Variants in MAGOH observed in about 807,000 individuals in gnomAD.
The protein encoded by MAGOH is protein mago nashi homolog.
MAGOH carries 3 observed loss-of-function variants against 20.9 expected under a neutral mutation model. The observed-to-expected ratio is 0.14, with a 90% CI of 0.07 to 0.37. The LOEUF is 0.37. Ranked by LOEUF, MAGOH falls within the 10% of genes least tolerant of loss-of-function variation. The probability of loss-of-function intolerance (pLI) is 1.00; values close to 1 mark genes in which losing one functional copy is unlikely to be tolerated. For synonymous variants in MAGOH, 51 were observed against 61.0 expected, an observed-to-expected ratio of 0.84 and a Z score of 0.76; for missense variants, 66 against 178.1, an observed-to-expected ratio of 0.37 and a Z score of 3.58.
intron 1 of MAGOH, among the ~76,000 whole-genome samples, chr1:53,237,973 C>T (rs1645621474): frequency 1.3e-5 from 2 of 152,260 alleles, no homozygotes; most frequent in South Asian, 2.1e-4. Flanking sequence ...CTCTAATGGC[C>T]AACCTATCTA....
At chr1:53,238,037 C>T (rs879175453) in intron 1 of MAGOH, among the ~76,000 whole-genome samples, 1 of 152,216 alleles carries the variant, frequency 6.6e-6, no homozygotes, top group African/African-American at 2.4e-5. Context: ...CCACTCACTG[C>T]TATCTGGAAT....
At chr1:53,237,673 C>CAAAAAAAAAAA (rs1231950502) in intron 1 of MAGOH, among the ~76,000 whole-genome samples, 8 of 55,338 alleles carry the variant, frequency 1.4e-4, no homozygotes, top group African/African-American at 3.1e-4. Context: ...AAAGCCGTCT[C>CAAAAAAAAAAA]AAAAAAAAAA....
At chr1:53,231,780 T>C (rs1006573239) in intron 3 of MAGOH, among the ~76,000 whole-genome samples, 31 of 152,310 alleles carry the variant, frequency 2.0e-4, no homozygotes, top group African/African-American at 7.0e-4. Context: ...TTAATGCTCA[T>C]TCTATTTGAT....
intron 2 of MAGOH, among the ~76,000 whole-genome samples, chr1:53,234,436 C>T (rs6671485): frequency 0.27 from 39,330 of 146,052 alleles, 5,908 homozygotes; most frequent in East Asian, 0.37. Flanking sequence ...TGCAGTGGTG[C>T]GATCTCGGCT....
At chr1:53,232,763 T>C (rs183101324) in intron 3 of MAGOH, among the ~76,000 whole-genome samples, 6 of 152,250 alleles carry the variant, frequency 3.9e-5, no homozygotes, top group Middle Eastern at 3.4e-3. Flanking sequence ...TGGGAAGCCA[T>C]TGGAGTTTAA....
chr1:53,235,734 C>A, intron 1 of MAGOH, 99 bp from the exon 2 acceptor site: 1 of 877,022 alleles, frequency 1.1e-6, no homozygotes, highest in South Asian at 1.4e-5. Flanking sequence ...ATGTATCTAA[C>A]TTGCTAAAAG....
intron 3 of MAGOH, among the ~76,000 whole-genome samples, chr1:53,230,523 T>C (rs1645581242): frequency 6.6e-6 from 1 of 152,134 alleles, no homozygotes; most frequent in Non-Finnish European, 1.5e-5. Flanking sequence ...GCTCATGCTA[T>C]ACTGCACCTT....
intron 3 of MAGOH, among the ~76,000 whole-genome samples, chr1:53,231,688 A>G (rs1343042699): frequency 6.6e-6 from 1 of 152,146 alleles, no homozygotes; most frequent in Non-Finnish European, 1.5e-5. Context: ...TCCCGAGGCA[A>G]TATCATACTA....
chr1:53,229,257 G>T (rs1343821662), intron 3 of MAGOH, among the ~76,000 whole-genome samples: 9 of 150,666 alleles, frequency 6.0e-5, no homozygotes, highest in Non-Finnish European at 1.2e-4. Flanking sequence ...GGAGTGCACT[G>T]GCATGATCTC....
At chr1:53,231,098 G>C (rs1361286269) in intron 3 of MAGOH, among the ~76,000 whole-genome samples, 6 of 152,078 alleles carry the variant, frequency 3.9e-5, no homozygotes, top group African/African-American at 1.4e-4. Context: ...AAATTCGGCA[G>C]ATTTTTTTCT....
At chr1:53,232,712 C>T (rs762779517) in intron 3 of MAGOH, among the ~76,000 whole-genome samples, 5 of 152,166 alleles carry the variant, frequency 3.3e-5, no homozygotes, top group Admixed American at 6.5e-5. Flanking sequence ...AGATTGGAAG[C>T]CCGGTAAAAG....
In MAGOH at chr1:53,234,245, G is replaced by A. The variant is rs116533123; in HGVS notation, c.148-593C>T. On this transcript the variant is annotated intron_variant, in intron 2 of 4. Transcript: ENST00000371470. ...CTCACTAGACACTGAACTTGCCAGC[G>A]CCTTGATCTTGGACTTTCCAGCCTC... Among the ~76,000 whole-genome samples, 689 of 152,168 alleles carry A rather than the reference G, an allele frequency of 4.5e-3. 8 individuals carry two copies. The highest frequency in any genetic ancestry group is 0.011 in the African/African-American group (447 of 41,494).
At position 53,238,362 on chromosome 1, in the gene MAGOH, G is replaced by A. The variant is rs1344644205; in HGVS notation, c.87C>T (p.Asp29=). The change falls in exon 1 of 5, where the codon GAC becomes GAT. Residue 29 remains aspartate (D), a splice_region_variant and synonymous_variant. Coordinates refer to ENST00000371470, the MANE Select transcript of MAGOH (RefSeq NM_002370.4). ...HEFLEFEFRP[D]GKLRYANNSN... ...CGGCGGGCGGCAGGCTGCTTTTACC[G>A]TCCGGTCGAAACTCAAACTCCAGGA... is the stretch of plus-strand genomic sequence containing the variant. The A allele has an allele frequency of 1.9e-6, 3 of 1,614,064 alleles. No homozygotes were observed. The highest frequency in any genetic ancestry group is 1.7e-5 in the Admixed American group (1 of 60,026).
chr1:53,230,379 C>G (rs10788949), intron 3 of MAGOH, among the ~76,000 whole-genome samples: 2 of 151,844 alleles, frequency 1.3e-5, no homozygotes, highest in Non-Finnish European at 2.9e-5. Flanking sequence ...TCCTGTATCC[C>G]GATTTGTTCC....
intron 1 of MAGOH, 142 bp downstream of exon 1, chr1:53,238,219 G>C (rs1027966559): frequency 1.4e-6 from 1 of 699,704 alleles, no homozygotes; most frequent in African/African-American, 1.8e-5. Flanking sequence ...AGCAGACACA[G>C]TGGCGTTCCT....
At chr1:53,232,843 G>A (rs1488586101) in intron 3 of MAGOH, among the ~76,000 whole-genome samples, 1 of 152,246 alleles carries the variant, frequency 6.6e-6, no homozygotes, top group Non-Finnish European at 1.5e-5. Flanking sequence ...GCTTACGCCT[G>A]TAACCACAGC....
chr1:53,227,988 C>G (rs779845905), intron 4 of MAGOH, among the ~76,000 whole-genome samples: 26 of 152,150 alleles, frequency 1.7e-4, no homozygotes, highest in Non-Finnish European at 2.6e-4. Context: ...AATCCTGAAC[C>G]CTCAAAACGT....
At chr1:53,234,367 G>T (rs1451065466) in intron 2 of MAGOH, among the ~76,000 whole-genome samples, 2 of 146,674 alleles carry the variant, frequency 1.4e-5, no homozygotes, top group East Asian at 4.1e-4. Context: ...ACATGCCCTG[G>T]TTATTCTTTT....
intron 2 of MAGOH, among the ~76,000 whole-genome samples, chr1:53,234,596 G>T (rs1179644749): frequency 6.6e-6 from 1 of 151,936 alleles, no homozygotes; most frequent in South Asian, 2.1e-4. Context: ...GGATGGTCTC[G>T]ATCTCCTGAC....
Sources: gnomAD v4.1 joint callset for allele counts (sites outside exome capture counted in the v4.1 genomes callset) on GRCh38, gnomAD v4.1.1 for gene constraint, MANE v1.5 for transcripts, NCBI Gene and HGNC (gene_info 2026-07-23, HGNC 2026-07-21) for gene names.